NUP155: variants seen among roughly 807,000 people sequenced by gnomAD.
NUP155 encodes the protein nucleoporin 155, also known as nuclear pore complex protein Nup155.
NUP155 carries 71 observed loss-of-function variants against 180.4 expected under a neutral mutation model. The ratio of observed to expected loss-of-function variants is 0.39; its 90% CI spans 0.33 to 0.48. The LOEUF is 0.48. Ranked by LOEUF, NUP155 falls within the 20% of genes least tolerant of loss-of-function variation. The pLI is 0.91. For missense variants in NUP155, 1,553 were observed against 1,648.9 expected, an observed-to-expected ratio of 0.94 and a Z score of 1.01; for synonymous variants, 582 against 559.5, an observed-to-expected ratio of 1.04 and a Z score of -0.57.
chr5:37,350,725 C>T (rs1746398489), intron 6 of NUP155, among the ~76,000 whole-genome samples: 2 of 151,372 alleles, frequency 1.3e-5, no homozygotes, highest in Admixed American at 6.6e-5. Context: ...ACTGCTTAAA[C>T]CCAGGGGATG....
At chr5:37,299,336 A>G (rs1024273131) in intron 31 of NUP155, 112 bp downstream of exon 31, 3 of 1,308,378 alleles carry the variant, frequency 2.3e-6, no homozygotes, top group Admixed American at 1.7e-5. Flanking sequence ...TTAGGTATAC[A>G]CAATTTTCAT....
At chr5:37,299,345 A>G (rs774438101) in intron 31 of NUP155, 103 bp downstream of exon 31, 160 of 1,395,642 alleles carry the variant, frequency 1.1e-4, no homozygotes, top group Non-Finnish European at 1.6e-4. Flanking sequence ...CACAATTTTC[A>G]TGAGCCACTA....
intron 7 of NUP155, 36 bp from the exon 8 acceptor site, chr5:37,349,281 T>C: frequency 1.5e-6 from 1 of 686,684 alleles, no homozygotes; most frequent in Admixed American, 3.2e-5. Context: ...GAGAAAAAAG[T>C]AAACCCAAGG....
intron 28 of NUP155, 114 bp from the exon 29 acceptor site, chr5:37,303,022 A>G: frequency 8.1e-7 from 1 of 1,239,968 alleles, no homozygotes; most frequent in Non-Finnish European, 1.1e-6. Flanking sequence ...GCCATCTGAA[A>G]CTTGAAAAAA....
At position 37,292,988 on chromosome 5, in the gene NUP155, A is replaced by G. The variant is rs761747687; in HGVS notation, c.3931-3T>C. 1.9e-6 allele frequency: 3 copies of G among 1,554,792 alleles called. No individual in the cohort carries two copies. The Admixed American group carries it at 5.0e-5, about 26-fold the overall frequency. ...TTCATTCTGTTCCAGAATGGATCCT[A>G]TGAAGAAATATACATAATGAAATGT... On this transcript the variant is annotated splice_polypyrimidine_tract_variant and splice_region_variant and intron_variant, in intron 33 of 34. Coordinates refer to ENST00000231498, the MANE Select transcript of NUP155 (RefSeq NM_153485.3).
chr5:37,297,985 C>A (rs1742678039), intron 32 of NUP155, among the ~76,000 whole-genome samples: 1 of 150,864 alleles, frequency 6.6e-6, no homozygotes, highest in African/African-American at 2.4e-5. Context: ...CGCCTTTAAT[C>A]CCAGCACCTT....
At chr5:37,315,827 C>G (rs560873092) in intron 21 of NUP155, among the ~76,000 whole-genome samples, 1 of 152,280 alleles carries the variant, frequency 6.6e-6, no homozygotes, top group South Asian at 2.1e-4. Flanking sequence ...CCTGTAACCA[C>G]AGCTACTCGG....
rs751821970 is a variant in NUP155, at chr5:37,328,412, CAGG to C, written c.1819_1821del (p.Pro607del). 1.3e-5 allele frequency: 20 copies of C among 1,598,504 alleles called. No homozygotes were observed. Among genetic ancestry groups the C allele is most frequent in the Non-Finnish European group, 1.5e-5 (18 of 1,166,058 alleles). On this transcript the variant is annotated inframe_deletion, in exon 17 of 35. Transcript: ENST00000231498. The stretch of plus-strand genomic sequence containing the variant: ...TTTGGATAGGGACTACCACTAGGAA[CAGG>C]AGAACCTAAAAAGGGAAAGAAGAAT...
At chr5:37,308,875 CAAAAAAAAAAA>C (rs59572976) in intron 24 of NUP155, among the ~76,000 whole-genome samples, 22 of 68,856 alleles carry the variant, frequency 3.2e-4, no homozygotes, top group Non-Finnish European at 2.5e-4. Context: ...GCGAGACTCT[CAAAAAAAAAAA>C]AAAAAAAAAA....
chr5:37,319,383 G>A lies in NUP155; in HGVS notation c.2208-1298C>T, dbSNP rs542210652. Among the ~76,000 whole-genome samples the A allele has an allele frequency of 4.2e-4, 64 of 152,114 alleles. 1 individual carries two copies. Among genetic ancestry groups the A allele is most frequent in the Admixed American group, 9.2e-4 (14 of 15,270 alleles). On this transcript the variant is annotated intron_variant, in intron 20 of 34. Transcript: ENST00000231498. ...AAAATCTGTTTAAAAAATTTCCATAGTCAATGAAACTAATGTTATAGGAAT... is the reference window on the plus strand; with the variant it reads ...AAAATCTGTTTAAAAAATTTCCATAATCAATGAAACTAATGTTATAGGAAT...
chr5:37,293,128 T>C, intron 33 of NUP155, 143 bp from the exon 34 acceptor site: 2 of 628,296 alleles, frequency 3.2e-6, no homozygotes, highest in South Asian at 1.9e-5. Flanking sequence ...TACTAAATTA[T>C]ATATCTGATT....
In NUP155 at chr5:37,294,473, GAA is replaced by G; in HGVS notation, c.3794-10_3794-9del. 1 of 1,601,730 alleles carries G rather than the reference GAA, an allele frequency of 6.2e-7. No homozygotes were observed. The highest frequency in any genetic ancestry group is 8.5e-7 in the Non-Finnish European group (1 of 1,171,770). On this transcript the variant is annotated splice_polypyrimidine_tract_variant and intron_variant, in intron 32 of 34. Transcript: ENST00000231498. ...AAAACTGTACAATAAAATCTGGGAAGAAAAAAAAAGATCGGAAATTTGGATTT... is the reference window on the plus strand; with the variant it reads ...AAAACTGTACAATAAAATCTGGGAAGAAAAAAAGATCGGAAATTTGGATTT...
intron 9 of NUP155, among the ~76,000 whole-genome samples, chr5:37,346,064 G>A (rs1225190192): frequency 6.6e-6 from 1 of 151,862 alleles, no homozygotes; most frequent in East Asian, 1.9e-4. Context: ...TCTTGTCACT[G>A]AAGAATAAAA....
rs1037047199 is a variant in NUP155, at chr5:37,288,818, C to T, written c.*3082G>A. 3.7e-5 allele frequency: 5 copies of T among 136,486 alleles called. No homozygotes were observed. The highest frequency in any genetic ancestry group is 1.3e-4 in the African/African-American group (5 of 37,978). The allele number at this position is 136,486 out of a possible 1,614,324, so 8.5% of individuals were successfully genotyped here. ...GTGGCTCATGCCTGTAATCCCAGCT[C>T]TTTGGGAGGCCAAGGGGGGTGGATC... On this transcript the variant is annotated 3_prime_UTR_variant, in exon 35 of 35. Coordinates refer to ENST00000231498, the MANE Select transcript of NUP155 (RefSeq NM_153485.3).
At chr5:37,306,405 TCAAAAACAAAAA>T (rs949980485) in intron 25 of NUP155, among the ~76,000 whole-genome samples, 1 of 152,080 alleles carries the variant, frequency 6.6e-6, no homozygotes, top group East Asian at 1.9e-4. Flanking sequence ...AAGCTTTGTC[TCAAAAACAAAAA>T]CAAAAACAAA....
At chr5:37,299,231 A>G (rs1742739145) in intron 31 of NUP155, among the ~76,000 whole-genome samples, 1 of 152,020 alleles carries the variant, frequency 6.6e-6, no homozygotes, top group Non-Finnish European at 1.5e-5. Context: ...AAATTAAATA[A>G]CCTTTTCACT....
At chr5:37,304,330 G>A (rs1295855699) in intron 27 of NUP155, among the ~76,000 whole-genome samples, 1 of 148,112 alleles carries the variant, frequency 6.8e-6, no homozygotes, top group African/African-American at 2.5e-5. Flanking sequence ...CACAGCTATT[G>A]ATTCCTAGAC....
intron 12 of NUP155, among the ~76,000 whole-genome samples, chr5:37,336,200 G>A (rs1045363538): frequency 2.0e-5 from 3 of 152,092 alleles, no homozygotes; most frequent in Non-Finnish European, 2.9e-5. Context: ...AAAAAGTTAG[G>A]TGGAGGACAG....
Position 37,328,427 on chromosome 5 carries a change from A to AG in NUP155, c.1814-8dup. 2 of 1,575,386 alleles carry AG rather than the reference A, an allele frequency of 1.3e-6. No homozygotes were observed. The highest frequency in any genetic ancestry group is 1.7e-6 in the Non-Finnish European group (2 of 1,145,094). The stretch of plus-strand genomic sequence containing the variant: ...CCACTAGGAACAGGAGAACCTAAAA[A>AG]GGGAAAGAAGAATATAAAGATTTAG... On this transcript the variant is annotated splice_region_variant and splice_polypyrimidine_tract_variant and intron_variant, in intron 16 of 34. Coordinates refer to ENST00000231498, the MANE Select transcript of NUP155 (RefSeq NM_153485.3).
Sources: allele counts gnomAD v4.1 joint callset (sites outside exome capture counted in the v4.1 genomes callset), GRCh38; gene constraint gnomAD v4.1.1; transcripts MANE v1.5; gene names NCBI Gene and HGNC (gene_info 2026-07-23, HGNC 2026-07-21).